Variants in VEPH1 observed in about 807,000 individuals in gnomAD.
VEPH1 encodes the protein ventricular zone-expressed PH domain-containing protein homolog 1.
Under a neutral mutation model 85.2 loss-of-function variants are expected in VEPH1, and 80 were observed. The observed-to-expected ratio is 0.94, with a 90% CI of 0.78 to 1.13. The LOEUF (loss-of-function observed/expected upper bound fraction) is 1.13, where lower values mean the gene tolerates loss of function less well. Among genes scored for constraint, VEPH1 ranks in the 50% most tolerant of loss-of-function variants. VEPH1 has a pLI of 0.00. For synonymous variants in VEPH1, 297 were observed against 348.0 expected (o/e 0.85, Z 1.63); for missense variants, 955 against 980.5 (o/e 0.97, Z 0.35).
At chr3:157,385,875 C>G (rs573892665) in intron 6 of VEPH1, among the ~76,000 whole-genome samples, 1 of 152,224 alleles carries the variant, frequency 6.6e-6, no homozygotes, top group African/African-American at 2.4e-5. Context: ...CTATGCATGA[C>G]TTTGAAATAT....
chr3:157,410,419 T>C (rs1731447130), intron 6 of VEPH1, among the ~76,000 whole-genome samples: 1 of 152,170 alleles, frequency 6.6e-6, no homozygotes, highest in Non-Finnish European at 1.5e-5. Context: ...GCATCTGCCT[T>C]CATGCCCACC....
intron 2 of VEPH1, among the ~76,000 whole-genome samples, chr3:157,471,321 G>A (rs1327341173): frequency 6.6e-6 from 1 of 152,122 alleles, no homozygotes; most frequent in Admixed American, 6.5e-5. Flanking sequence ...TAACTAATAG[G>A]ACAGTAAACA....
intron 2 of VEPH1, chr3:157,489,049 A>T (rs1577797460): frequency 2.2e-6 from 1 of 452,382 alleles, no homozygotes; most frequent in South Asian, 1.6e-5. Context: ...TCATCTGAAC[A>T]CTTACCACCA....
At chr3:157,329,620 C>A (rs1178473608) in intron 9 of VEPH1, among the ~76,000 whole-genome samples, 1 of 140,208 alleles carries the variant, frequency 7.1e-6, no homozygotes, top group East Asian at 2.3e-4. Flanking sequence ...AACAGAGTTG[C>A]CTTTTTTTTT....
chr3:157,347,503 G>C (rs1226894739), intron 9 of VEPH1, among the ~76,000 whole-genome samples: 1 of 152,068 alleles, frequency 6.6e-6, no homozygotes, highest in East Asian at 1.9e-4. Flanking sequence ...GGGATGCCTG[G>C]CACTCTTTCT....
intron 7 of VEPH1, among the ~76,000 whole-genome samples, chr3:157,366,614 A>AG (rs1726732224): frequency 6.6e-6 from 1 of 152,062 alleles, no homozygotes; most frequent in African/African-American, 2.4e-5. Flanking sequence ...AGGCACCTGT[A>AG]ATCCCAGCTA....
At chr3:157,409,643 A>G (rs1731393711) in intron 6 of VEPH1, 2 of 985,318 alleles carry the variant, frequency 2.0e-6, no homozygotes, top group South Asian at 9.4e-5. Context: ...AGATGGAAAA[A>G]TTGTGATGCT....
At chr3:157,304,943 G>A (rs544275280) in intron 11 of VEPH1, among the ~76,000 whole-genome samples, 22 of 151,884 alleles carry the variant, frequency 1.4e-4, no homozygotes, top group Non-Finnish European at 2.4e-4. Flanking sequence ...CATTAAACAT[G>A]TCTCATAAAC....
chr3:157,417,644 T>A (rs1577605464), intron 5 of VEPH1, among the ~76,000 whole-genome samples: 1 of 152,160 alleles, frequency 6.6e-6, no homozygotes, highest in Non-Finnish European at 1.5e-5. Context: ...ATGGCACTGA[T>A]CACTCACAGT....
chr3:157,390,124 G>T (rs1194968532), intron 6 of VEPH1, among the ~76,000 whole-genome samples: 2 of 152,146 alleles, frequency 1.3e-5, no homozygotes, highest in Admixed American at 6.5e-5. Context: ...CTTGCAACCT[G>T]GTTGTTTATA....
chr3:157,301,007 A>T (rs934976281), intron 11 of VEPH1, among the ~76,000 whole-genome samples: 2 of 152,230 alleles, frequency 1.3e-5, no homozygotes, highest in Non-Finnish European at 2.9e-5. Context: ...TATGTTAGCC[A>T]TATTAATCCC....
intron 4 of VEPH1, among the ~76,000 whole-genome samples, chr3:157,455,474 A>G (rs910526365): frequency 2.0e-5 from 3 of 151,212 alleles, no homozygotes; most frequent in Non-Finnish European, 4.4e-5. Flanking sequence ...TTTTTTATAT[A>G]GGTAAACTTG....
At position 157,381,217 on chromosome 3, in the gene VEPH1, A is replaced by G; in HGVS notation, c.1066T>C (p.Phe356Leu). 1 of 1,614,058 alleles carries G rather than the reference A, an allele frequency of 6.2e-7. No homozygotes were observed. Among genetic ancestry groups the G allele is most frequent in the Non-Finnish European group, 8.5e-7 (1 of 1,179,982 alleles). Residue 356 changes from phenylalanine to leucine, a missense_variant, in exon 7 of 14, where the codon TTC becomes CTC. Coordinates refer to ENST00000362010, the MANE Select transcript of VEPH1 (RefSeq NM_001167912.2). ...SRDIFRMSNS[F>L]TAIAKLLTRQ... Reference sequence around the variant, plus strand: ...GTAAGGAGTTTAGCAATGGCGGTGAAGCTGTTGCTCATGCGGAAGATGTCT... The same window carrying G: ...GTAAGGAGTTTAGCAATGGCGGTGAGGCTGTTGCTCATGCGGAAGATGTCT...
chr3:157,357,766 T>A (rs1725608645), intron 9 of VEPH1, among the ~76,000 whole-genome samples: 1 of 152,214 alleles, frequency 6.6e-6, no homozygotes, highest in South Asian at 2.1e-4. Flanking sequence ...GTGTTGGGAT[T>A]ATGTAATAGG....
chr3:157,495,455 A>G lies in VEPH1; in HGVS notation c.-106T>C. 1 of 1,518,352 alleles carries G rather than the reference A, an allele frequency of 6.6e-7. No individual in the cohort carries two copies. The highest frequency in any genetic ancestry group is 1.4e-5 in the South Asian group (1 of 73,980). The allele number at this position is 1,518,352 out of a possible 1,614,324, so 94.1% of individuals were successfully genotyped here. A position where few individuals can be genotyped will look rare whatever the true frequency, so the allele number is the denominator to read the frequency against. ...ACATGTAGAAGGAGGTATACTTCTTATTCCATGAAAGGTCATTTTTCTCCA... is the reference window on the plus strand; with the variant it reads ...ACATGTAGAAGGAGGTATACTTCTTGTTCCATGAAAGGTCATTTTTCTCCA... On this transcript the variant is annotated 5_prime_UTR_variant, in exon 2 of 14. It removes the in-frame stop codon of an upstream open reading frame in the 5' UTR. Transcript: ENST00000362010.
chr3:157,367,325 G>T (rs1400441241), intron 7 of VEPH1, among the ~76,000 whole-genome samples: 1 of 152,166 alleles, frequency 6.6e-6, no homozygotes, highest in Non-Finnish European at 1.5e-5. Context: ...ATAGCCAGAA[G>T]ATTCTAAATG....
At chr3:157,361,845 A>G (rs1386931046) in intron 9 of VEPH1, among the ~76,000 whole-genome samples, 2 of 152,220 alleles carry the variant, frequency 1.3e-5, no homozygotes, top group African/African-American at 4.8e-5. Context: ...TAATCAAGAT[A>G]TATAATTTTT....
chr3:157,338,608 TTC>T (rs1280651626), intron 9 of VEPH1, among the ~76,000 whole-genome samples: 3 of 152,196 alleles, frequency 2.0e-5, no homozygotes, highest in African/African-American at 7.2e-5. Flanking sequence ...ATCTTAACTA[TTC>T]TGTTTCTTTT....
At chr3:157,273,023 T>C (rs1007266836) in intron 12 of VEPH1, among the ~76,000 whole-genome samples, 1 of 152,148 alleles carries the variant, frequency 6.6e-6, no homozygotes, top group Non-Finnish European at 1.5e-5. Context: ...AGAAAGGAGT[T>C]AGAGGGGGAA....
Sources: allele counts gnomAD v4.1 joint callset (sites outside exome capture counted in the v4.1 genomes callset), GRCh38; gene constraint gnomAD v4.1.1; transcripts MANE v1.5; gene names NCBI Gene and HGNC (gene_info 2026-07-23, HGNC 2026-07-21).